DTNBP1: variants seen among roughly 807,000 people sequenced by gnomAD.
DTNBP1 encodes the protein dysbindin.
In DTNBP1, 35 loss-of-function variants were observed where a neutral mutation model predicts 42.8. The observed-to-expected ratio is 0.82, with a 90% confidence interval of 0.63 to 1.09. DTNBP1 has a LOEUF of 1.09. DTNBP1 is among the 50% of genes least tolerant of loss of function. The pLI, the probability that DTNBP1 is intolerant of heterozygous loss-of-function variation, is 0.00. For synonymous variants in DTNBP1, 171 were observed against 162.2 expected (o/e 1.05, Z -0.41); for missense variants, 457 against 424.2 (o/e 1.08, Z -0.68).
chr6:15,643,933 T>C (rs1315579395), intron 3 of DTNBP1, among the ~76,000 whole-genome samples: 2 of 151,814 alleles, frequency 1.3e-5, no homozygotes, highest in South Asian at 4.1e-4. Flanking sequence ...ACTTCACATA[T>C]CAATATTAAC....
chr6:15,618,678 A>G (rs1051876859), intron 5 of DTNBP1, among the ~76,000 whole-genome samples: 4 of 152,216 alleles, frequency 2.6e-5, no homozygotes, highest in African/African-American at 9.6e-5. Flanking sequence ...TTCCTTAAAA[A>G]TTCAAAAGTA....
At chr6:15,618,170 A>T (rs903826523) in intron 5 of DTNBP1, among the ~76,000 whole-genome samples, 9 of 152,028 alleles carry the variant, frequency 5.9e-5, no homozygotes, top group African/African-American at 2.2e-4. Context: ...AATAAAAATT[A>T]AAAAAAACCT....
chr6:15,552,142 C>G (rs1467596055), intron 7 of DTNBP1, among the ~76,000 whole-genome samples: 5 of 152,116 alleles, frequency 3.3e-5, no homozygotes, highest in Non-Finnish European at 2.9e-5. Flanking sequence ...CAGGAGGTAT[C>G]CAAAAACACC....
chr6:15,640,826 T>C (rs1760299626), intron 3 of DTNBP1, among the ~76,000 whole-genome samples: 1 of 152,092 alleles, frequency 6.6e-6, no homozygotes, highest in Admixed American at 6.5e-5. Context: ...TAAACTGAGG[T>C]TCATTTCAGT....
chr6:15,607,263 G>A (rs1001449402), intron 6 of DTNBP1, among the ~76,000 whole-genome samples: 19 of 150,054 alleles, frequency 1.3e-4, no homozygotes, highest in African/African-American at 2.5e-5. Context: ...TGCCGCTTTC[G>A]GCTGGGATTA....
chr6:15,610,091 T>C (rs762368361), intron 6 of DTNBP1, among the ~76,000 whole-genome samples: 1 of 152,214 alleles, frequency 6.6e-6, no homozygotes, highest in Non-Finnish European at 1.5e-5. Flanking sequence ...CTCAAGTGTG[T>C]TAGAGTCAAG....
Position 15,557,723 on chromosome 6 carries a change from G to A in DTNBP1, c.512-24328C>T, listed in dbSNP as rs147890271. Among the ~76,000 whole-genome samples, 329 of 152,186 alleles carry A rather than the reference G, an allele frequency of 2.2e-3. 1 individual carries two copies. The highest frequency in any genetic ancestry group is 7.3e-3 in the African/African-American group (305 of 41,558). ...AGAGGCAGGAAAAAAGAGATTGTTT[G>A]GAAAGCTAAGTTCTCCTGTATTAAC... On this transcript the variant is annotated intron_variant, in intron 7 of 9. Coordinates refer to ENST00000344537, the MANE Select transcript of DTNBP1 (RefSeq NM_032122.5).
Position 15,659,424 on chromosome 6 carries a change from G to T in DTNBP1, c.56+3390C>A, listed in dbSNP as rs560492612. ...TTTCCAATTATTTTAGAAGGCAGCT[G>T]CTCTGGCTTCCACACAATTGCTCTG... On this transcript the variant is annotated intron_variant, in intron 1 of 9. Coordinates refer to ENST00000344537, the MANE Select transcript of DTNBP1 (RefSeq NM_032122.5). Among the ~76,000 whole-genome samples the T allele has an allele frequency of 1.5e-3, 227 of 152,316 alleles. 1 individual carries two copies. Among genetic ancestry groups the T allele is most frequent in the African/African-American group, 5.1e-3 (214 of 41,584 alleles).
At chr6:15,594,520 T>G (rs1050530541) in intron 6 of DTNBP1, among the ~76,000 whole-genome samples, 20 of 151,922 alleles carry the variant, frequency 1.3e-4, no homozygotes, top group Admixed American at 1.2e-3. Flanking sequence ...TGTGTAATTG[T>G]TTCCCTTCAG....
chr6:15,571,508 T>C (rs1775339290), intron 7 of DTNBP1, among the ~76,000 whole-genome samples: 2 of 152,240 alleles, frequency 1.3e-5, no homozygotes, highest in South Asian at 2.1e-4. Flanking sequence ...ACCACTGCTC[T>C]GGGGTTTCAG....
Position 15,651,401 on chromosome 6 carries a change from T to G in DTNBP1, c.111-38A>C, listed in dbSNP as rs764008409. ...AACACTTATTAAAACTGTTCTTGAT[T>G]TAGCCAACTGAAAAAAAAAAAAAGG... is the stretch of plus-strand genomic sequence containing the variant. On this transcript the variant is annotated intron_variant, in intron 2 of 9. Coordinates refer to ENST00000344537, the MANE Select transcript of DTNBP1 (RefSeq NM_032122.5). The G allele has an allele frequency of 2.7e-5, 43 of 1,608,052 alleles. No individual in the cohort carries two copies. The African/African-American group carries it at 4.8e-4, about 18-fold the overall frequency.
chr6:15,532,697 CTTTTTT>C (rs373480713), intron 8 of DTNBP1, among the ~76,000 whole-genome samples: 15 of 93,116 alleles, frequency 1.6e-4, no homozygotes, highest in African/African-American at 5.8e-4. Context: ...TGTTTGTAAT[CTTTTTT>C]TTTTTTTTTT....
chr6:15,527,622 C>A (rs2127790515), intron 8 of DTNBP1, among the ~76,000 whole-genome samples: 1 of 151,862 alleles, frequency 6.6e-6, no homozygotes, highest in Middle Eastern at 3.4e-3. Context: ...AAACAATAGC[C>A]CAAAGAAAGC....
intron 3 of DTNBP1, among the ~76,000 whole-genome samples, chr6:15,647,706 T>A (rs1760767204): frequency 6.6e-6 from 1 of 151,758 alleles, no homozygotes; most frequent in African/African-American, 2.4e-5. Flanking sequence ...GTGGACAAAT[T>A]CCCACAAACA....
chr6:15,595,987 T>G (rs1162099950), intron 6 of DTNBP1, among the ~76,000 whole-genome samples: 1 of 152,136 alleles, frequency 6.6e-6, no homozygotes, highest in Non-Finnish European at 1.5e-5. Context: ...CTGTGATGGA[T>G]GGATATACTG....
intron 5 of DTNBP1, among the ~76,000 whole-genome samples, chr6:15,625,962 C>T (rs532452928): frequency 6.6e-6 from 1 of 152,254 alleles, no homozygotes; most frequent in Non-Finnish European, 1.5e-5. Context: ...TTTTCTAAGA[C>T]CCAGAATCTC....
intron 1 of DTNBP1, among the ~76,000 whole-genome samples, chr6:15,653,429 C>T (rs1457576702): frequency 6.6e-6 from 1 of 152,214 alleles, no homozygotes; most frequent in Non-Finnish European, 1.5e-5. Context: ...TGTCAGCTCT[C>T]ACTCACTGCT....
chr6:15,615,768 T>C (rs1249807875), intron 5 of DTNBP1, among the ~76,000 whole-genome samples: 1 of 152,230 alleles, frequency 6.6e-6, no homozygotes, highest in African/African-American at 2.4e-5. Flanking sequence ...TTAACACAAA[T>C]TATACCTACC....
intron 5 of DTNBP1, among the ~76,000 whole-genome samples, chr6:15,620,582 T>C (rs1420809504): frequency 1.3e-5 from 2 of 152,244 alleles, no homozygotes; most frequent in Non-Finnish European, 2.9e-5. Context: ...ATTCAGCTCA[T>C]TCTGTTATAA....
Sources: allele counts gnomAD v4.1 joint callset (sites outside exome capture counted in the v4.1 genomes callset), GRCh38; gene constraint gnomAD v4.1.1; transcripts MANE v1.5; gene names NCBI Gene and HGNC (gene_info 2026-07-23, HGNC 2026-07-21).